SLC3A2: variants seen among roughly 807,000 people sequenced by gnomAD.
SLC3A2 encodes the protein amino acid transporter heavy chain SLC3A2.
A neutral mutation model predicts 48.5 loss-of-function variants in SLC3A2; 32 were observed. The ratio of observed to expected loss-of-function variants is 0.66; its 90% confidence interval spans 0.50 to 0.89. SLC3A2 has a LOEUF of 0.89. Ranked by LOEUF, SLC3A2 falls within the 40% of genes least tolerant of loss-of-function variation. SLC3A2 has a pLI of 0.00. For synonymous variants in SLC3A2, 277 were observed against 288.8 expected (o/e 0.96, Z 0.41); for missense variants, 587 against 680.7 (o/e 0.86, Z 1.53).
intron 1 of SLC3A2, among the ~76,000 whole-genome samples, chr11:62,868,283 A>C (rs1448992856): frequency 6.7e-6 from 1 of 149,242 alleles, no homozygotes; most frequent in Non-Finnish European, 1.5e-5. Flanking sequence ...TCTTTTATAT[A>C]TTGTTTTGTG....
chr11:62,884,302 C>G (rs568711495), intron 3 of SLC3A2, 155 bp from the exon 4 acceptor site: 24 of 718,294 alleles, frequency 3.3e-5, no homozygotes, highest in African/African-American at 3.1e-4. Flanking sequence ...AAAGGCTAAG[C>G]CTTTGTAGTG....
rs2085646886 is a variant in SLC3A2, at chr11:62,881,966, C to T, written c.498C>T (p.Asn166=). The change falls in exon 2 of 9, where the codon AAC becomes AAT. Residue 166 remains asparagine (N), a synonymous_variant. Coordinates refer to ENST00000338663, the MANE Select transcript of SLC3A2 (RefSeq NM_001013251.3). This position sits in a 1 kb window ranked among gnomAD's most constrained non-coding sequence, Gnocchi z 4.0. ...TTGTGCTGGGTCCAATTCACAAGAA[C>T]CAGAAGGATGATGTCGCTCAGACTG... ...KGLVLGPIHK[N]QKDDVAQTDL... is the part of the protein sequence containing the mutation. 1.2e-6 allele frequency: 2 copies of T among 1,614,194 alleles called. No homozygotes were observed. The highest frequency in any genetic ancestry group is 2.2e-5 in the East Asian group (1 of 44,880).
chr11:62,879,554 G>A (rs1643953035), upstream of SLC3A2, among the ~76,000 whole-genome samples: 1 of 152,248 alleles, frequency 6.6e-6, no homozygotes, highest in Non-Finnish European at 1.5e-5. Context: ...GCTGCCCCGT[G>A]CACCCCTTGT....
intron 1 of SLC3A2, among the ~76,000 whole-genome samples, chr11:62,858,719 G>T (rs540036208): frequency 8.0e-4 from 122 of 152,318 alleles, no homozygotes; most frequent in Admixed American, 1.2e-3. Context: ...TCTCGAAGAG[G>T]GGGTTGTGTC....
intron 1 of SLC3A2, among the ~76,000 whole-genome samples, chr11:62,856,753 C>G (rs1483869424): frequency 6.6e-6 from 1 of 152,094 alleles, no homozygotes; most frequent in Non-Finnish European, 1.5e-5. Flanking sequence ...TTACTGAGAC[C>G]GGACAACATT....
chr11:62,880,932 C>T lies in SLC3A2; in HGVS notation c.-92C>T, dbSNP rs913475860. 6.8e-7 allele frequency: 1 copy of T among 1,472,786 alleles called. No individual in the cohort carries two copies. The highest frequency in any genetic ancestry group is 9.0e-7 in the Non-Finnish European group (1 of 1,112,502). The allele number at this position is 1,472,786 out of a possible 1,614,324, so 91.2% of individuals were successfully genotyped here. On this transcript the variant is annotated 5_prime_UTR_variant, in exon 1 of 9. Coordinates refer to ENST00000338663, the MANE Select transcript of SLC3A2 (RefSeq NM_001013251.3). ...CCGAAACTGCGCGGAGGCACAGAGG[C>T]CGGGGAGAGCGTTCTGGGTCCGAGG...
intron 1 of SLC3A2, chr11:62,870,775 G>A (rs780103589): frequency 4.7e-6 from 1 of 211,952 alleles, no homozygotes; most frequent in Non-Finnish European, 9.1e-6. Flanking sequence ...GCCCAGACTG[G>A]TCTCGAACTC....
intron 1 of SLC3A2, chr11:62,870,855 AATTATT>A (rs753038192): frequency 0.021 from 2,764 of 134,470 alleles, 40 homozygotes; most frequent in Admixed American, 0.045. Context: ...TAATAATAAT[AATTATT>A]ATTATTATTA....
Position 62,881,702 on chromosome 11 carries a change from T to C in SLC3A2, c.425-191T>C. 1 of 833,002 alleles carries C rather than the reference T, an allele frequency of 1.2e-6. No individual in the cohort carries two copies. The highest frequency in any genetic ancestry group is 3.7e-4 in the Middle Eastern group (1 of 2,726). 51.6% of individuals were successfully genotyped at this position (833,002 alleles called of 1,614,324 possible). ...CTTCCCCGCGGCGCCAGAAGCCAGTTGCAACCGGTTTCTGAAGTAATGTGC... is the reference window on the plus strand; with the variant it reads ...CTTCCCCGCGGCGCCAGAAGCCAGTCGCAACCGGTTTCTGAAGTAATGTGC... On this transcript the variant is annotated intron_variant, in intron 1 of 8. Transcript: ENST00000338663. The surrounding 1 kb of genome is among the most constrained non-coding windows in gnomAD (Gnocchi z 4.0).
intron 3 of SLC3A2, 147 bp from the exon 4 acceptor site, chr11:62,884,310 G>T: frequency 1.3e-6 from 1 of 754,524 alleles, no homozygotes; most frequent in Non-Finnish European, 2.3e-6. Flanking sequence ...AGCCTTTGTA[G>T]TGCAGGTGGG....
chr11:62,881,676 CCTT>C lies in SLC3A2; in HGVS notation c.425-215_425-213del. 1.2e-6 allele frequency: 1 copy of C among 862,040 alleles called. No homozygotes were observed. Among genetic ancestry groups the C allele is most frequent in the Non-Finnish European group, 1.7e-6 (1 of 578,920 alleles). 53.4% of individuals were successfully genotyped at this position (862,040 alleles called of 1,614,324 possible). A position where few individuals can be genotyped will look rare whatever the true frequency, so the allele number is the denominator to read the frequency against. The stretch of plus-strand genomic sequence containing the variant: ...ACGAGGGTGGGTGACTCAGCGTCCT[CCTT>C]CCCCGCGGCGCCAGAAGCCAGTTGC... On this transcript the variant is annotated intron_variant, in intron 1 of 8. Transcript: ENST00000338663. This position sits in a 1 kb window ranked among gnomAD's most constrained non-coding sequence, Gnocchi z 4.0.
At position 62,867,418 on chromosome 11, in the gene SLC3A2, C is replaced by T. The variant is rs569201932; in HGVS notation, c.112+11037C>T. 9.4e-5 allele frequency among the ~76,000 whole-genome samples: 14 copies of T among 149,470 alleles called. No individual in the cohort carries two copies. The South Asian group carries it at 2.1e-3, about 23-fold the overall frequency. ...TTGGCTCACTGCACTCTCCGCCTCCCGGGTTCAAGCTATTCTCCTGCTTCA... is the reference window on the plus strand; with the variant it reads ...TTGGCTCACTGCACTCTCCGCCTCCTGGGTTCAAGCTATTCTCCTGCTTCA... On this transcript the variant is annotated intron_variant, in intron 1 of 9. Transcript: ENST00000377889.
intron 1 of SLC3A2, among the ~76,000 whole-genome samples, chr11:62,862,988 C>G (rs1414875642): frequency 6.6e-6 from 1 of 152,078 alleles, no homozygotes; most frequent in African/African-American, 2.4e-5. Flanking sequence ...GTGGCGTGAT[C>G]TCAGTTCACT....
chr11:62,888,476 A>C lies in SLC3A2; in HGVS notation c.1373A>C (p.Gln458Pro). ...TTCTCCTATATCCGCCACTGGGACC[A>C]GAATGAGCGTTTTCTGGTAGTGCTT... ...GLFSYIRHWD[Q>P]NERFLVVLNF... The change falls in exon 9 of 9, where the codon CAG (glutamine) becomes CCG (proline). Residue 458 changes from glutamine (Q) to proline (P), a missense_variant. Around this residue, in one of 3 missense-constraint regions of SLC3A2, gnomAD observed 169 missense variants for 204.4 expected, o/e 0.83. Coordinates refer to ENST00000338663, the MANE Select transcript of SLC3A2 (RefSeq NM_001013251.3). The C allele has an allele frequency of 6.2e-7, 1 of 1,614,250 alleles. No individual in the cohort carries two copies. The highest frequency in any genetic ancestry group is 8.5e-7 in the Non-Finnish European group (1 of 1,180,054).
upstream of SLC3A2, chr11:62,880,766 C>A: frequency 1.8e-6 from 1 of 542,116 alleles, no homozygotes; most frequent in East Asian, 3.3e-5. Context: ...GAAGTACTGT[C>A]GGAGGCGTGT....
intron 7 of SLC3A2, among the ~76,000 whole-genome samples, chr11:62,886,149 G>T (rs2085710573): frequency 6.6e-6 from 1 of 152,140 alleles, no homozygotes; most frequent in South Asian, 2.1e-4. Flanking sequence ...AATTAGCCAG[G>T]TGTGGTGGTG....
At chr11:62,874,239 T>C (rs959232593) in intron 1 of SLC3A2, among the ~76,000 whole-genome samples, 1 of 152,058 alleles carries the variant, frequency 6.6e-6, no homozygotes, top group African/African-American at 2.4e-5. Flanking sequence ...GGTCTCTTAT[T>C]GCTACTTATC....
chr11:62,885,329 C>G lies in SLC3A2; in HGVS notation c.971C>G (p.Ala324Gly). Residue 324 changes from alanine to glycine, a missense_variant, in exon 6 of 9, where the codon GCC (alanine) becomes GGC (glycine). Around this residue, in one of 3 missense-constraint regions of SLC3A2, gnomAD observed 409 missense variants for 446.7 expected, o/e 0.92. Coordinates refer to ENST00000338663, the MANE Select transcript of SLC3A2 (RefSeq NM_001013251.3). ...TCCCTAGTCACACAGTATTTGAATG[C>G]CACTGGCAATCGCTGGTGCAGCTGG... ...TKSLVTQYLN[A>G]TGNRWCSWSL... The G allele has an allele frequency of 6.2e-7, 1 of 1,614,198 alleles. No individual in the cohort carries two copies. Among genetic ancestry groups the G allele is most frequent in the Non-Finnish European group, 8.5e-7 (1 of 1,180,040 alleles).
At position 62,885,495 on chromosome 11, in the gene SLC3A2, T is replaced by A; in HGVS notation, c.1030T>A (p.Leu344Met). ...TCAGGCAAGGCTCCTGACTTCCTTC[T>A]TGCCGGCTCAACTTCTCCGACTCTA... The part of the protein sequence containing the change: ...LSQARLLTSF[L>M]PAQLLRLYQL... Residue 344 changes from leucine (L) to methionine (M), a missense_variant, in exon 7 of 9, where the codon TTG (leucine) becomes ATG (methionine). By Grantham distance (15) the Leu-to-Met change is conservative. Around this residue, in one of 3 missense-constraint regions of SLC3A2, gnomAD observed 409 missense variants for 446.7 expected, o/e 0.92. Coordinates refer to ENST00000338663, the MANE Select transcript of SLC3A2 (RefSeq NM_001013251.3). The A allele has an allele frequency of 6.2e-7, 1 of 1,614,206 alleles. No individual in the cohort carries two copies. Among genetic ancestry groups the A allele is most frequent in the Non-Finnish European group, 8.5e-7 (1 of 1,180,044 alleles).
Sources: gnomAD v4.1 joint callset for allele counts (sites outside exome capture counted in the v4.1 genomes callset) on GRCh38, gnomAD v4.1.1 for gene constraint, gnomAD v4.1.1 regional missense constraint, Gnocchi (gnomAD v3.1) non-coding constraint, MANE v1.5 for transcripts, NCBI Gene and HGNC (gene_info 2026-07-23, HGNC 2026-07-21) for gene names.